Variants in MED6 observed in about 807,000 individuals in gnomAD.
MED6 encodes mediator of RNA polymerase II transcription subunit 6.
In MED6, 33 loss-of-function variants were observed where a neutral mutation model predicts 37.5. The ratio of observed to expected loss-of-function variants is 0.88; its 90% CI spans 0.67 to 1.18. MED6 has a LOEUF of 1.18. Among genes scored for constraint, MED6 ranks in the 50% most tolerant of loss-of-function variants. The pLI is 0.00. For synonymous variants in MED6, 94 were observed against 93.6 expected (o/e 1.00, Z -0.02); for missense variants, 235 against 290.6 (o/e 0.81, Z 1.39).
chr14:70,590,789 G>C (rs1409972062), intron 6 of MED6, among the ~76,000 whole-genome samples: 1 of 152,118 alleles, frequency 6.6e-6, no homozygotes, highest in Non-Finnish European at 1.5e-5. Context: ...CCCCAACACA[G>C]GGTATCTCTA....
Position 70,593,301 on chromosome 14 carries a change from T to C in MED6, c.352A>G (p.Arg118Gly). 6.2e-7 allele frequency: 1 copy of C among 1,612,998 alleles called. No individual in the cohort carries two copies. The highest frequency in any genetic ancestry group is 8.5e-7 in the Non-Finnish European group (1 of 1,179,030). Residue 118 changes from arginine to glycine, a missense_variant, in exon 4 of 8, where the codon AGA becomes GGA. Coordinates refer to ENST00000256379, the MANE Select transcript of MED6 (RefSeq NM_005466.4). The part of the protein sequence containing the change: ...APDLGSVINS[R>G]VLTAVHGIQS... ...AAGAATGTGAAGACACTTACCACTC[T>C]AGAGTTTATAACTGATCCCAAGTCT...
chr14:70,585,071 G>C (rs1884664416), intron 7 of MED6, 128 bp from the exon 8 acceptor site: 1 of 1,108,566 alleles, frequency 9.0e-7, no homozygotes, highest in African/African-American at 1.6e-5. Context: ...AGATCTAGCT[G>C]TTTCCCCAGG....
intron 5 of MED6, among the ~76,000 whole-genome samples, chr14:70,592,013 G>A (rs1336551871): frequency 6.6e-6 from 1 of 152,172 alleles, no homozygotes; most frequent in Non-Finnish European, 1.5e-5. Context: ...GTTATCGTAG[G>A]GGAAAAGAGC....
At position 70,593,351 on chromosome 14, in the gene MED6, A is replaced by G; in HGVS notation, c.302T>C (p.Ile101Thr). The G allele has an allele frequency of 1.2e-6, 2 of 1,613,966 alleles. No homozygotes were observed. The highest frequency in any genetic ancestry group is 1.7e-6 in the Non-Finnish European group (2 of 1,179,856). ...QVIPLADYYIIAGVIYQAPDL... is the reference protein window; with the variant it reads ...QVIPLADYYITAGVIYQAPDL... ...TGGTGCCTGATAGATCACTCCAGCA[A>G]TGATATAGTAATCAGCTAGTGGGAT... Residue 101 changes from isoleucine (I) to threonine (T), a missense_variant, in exon 4 of 8, where the codon ATT (isoleucine) becomes ACT (threonine). Coordinates refer to ENST00000256379, the MANE Select transcript of MED6 (RefSeq NM_005466.4).
At chr14:70,597,869 CTA>C (rs1885090764) in intron 1 of MED6, 92 bp from the exon 2 acceptor site, 2 of 1,020,516 alleles carry the variant, frequency 2.0e-6, no homozygotes, top group Admixed American at 6.8e-5. Context: ...GTAGTAGGCA[CTA>C]TGAATATAAG....
Position 70,596,602 on chromosome 14 carries a change from A to C in MED6, c.274+9T>G, listed in dbSNP as rs1170252257. On this transcript the variant is annotated intron_variant, in intron 3 of 7. Transcript: ENST00000256379. Reference sequence around the variant, plus strand: ...AAAGAAAACAATGCCTAAAGTTTACACATTTTACCTTGGGCAGGGGACTGC... The same window carrying C: ...AAAGAAAACAATGCCTAAAGTTTACCCATTTTACCTTGGGCAGGGGACTGC... 4 of 1,597,966 alleles carry C rather than the reference A, an allele frequency of 2.5e-6. No homozygotes were observed. Among genetic ancestry groups the C allele is most frequent in the Non-Finnish European group, 3.4e-6 (4 of 1,166,846 alleles).
intron 1 of MED6, among the ~76,000 whole-genome samples, chr14:70,600,155 A>G (rs986714644): frequency 6.6e-6 from 1 of 151,942 alleles, no homozygotes; most frequent in African/African-American, 2.4e-5. Flanking sequence ...TATCGACTCA[A>G]AAAAAAAGAA....
Position 70,584,562 on chromosome 14 carries a change from G to T in MED6, c.*251C>A, listed in dbSNP as rs28688661. 0.034 allele frequency: 12,316 copies of T among 361,060 alleles called. 610 individuals carry two copies. Among genetic ancestry groups the T allele is most frequent in the African/African-American group, 0.15 (6,837 of 46,906 alleles). 22.4% of individuals were successfully genotyped at this position (361,060 alleles called of 1,614,324 possible). Reference sequence around the variant, plus strand: ...GGCTAATTTTTGTATTTTTAGTAGAGACGGGGTTTCACCATATTGGTCAGG... The same window carrying T: ...GGCTAATTTTTGTATTTTTAGTAGATACGGGGTTTCACCATATTGGTCAGG... On this transcript the variant is annotated 3_prime_UTR_variant, in exon 8 of 8. Transcript: ENST00000256379.
rs1308760159 is a variant in MED6 at position 70,584,944 on chromosome 14, C to T, written c.611-1G>A. 3 of 1,612,018 alleles carry T rather than the reference C, an allele frequency of 1.9e-6. No individual in the cohort carries two copies. The highest frequency in any genetic ancestry group is 2.5e-6 in the Non-Finnish European group (3 of 1,179,554). On this transcript the variant is annotated splice_acceptor_variant, in intron 7 of 7. Coordinates refer to ENST00000256379, the MANE Select transcript of MED6 (RefSeq NM_005466.4). LOFTEE classifies it high-confidence loss of function. ...TCTGCCTCTTTCTTTGTTTGATCCA[C>T]TAGATATCAAAAGTAGATTTTTTGG...
chr14:70,597,515 C>T, intron 2 of MED6, 103 bp downstream of exon 2: 1 of 1,057,992 alleles, frequency 9.5e-7, no homozygotes, highest in Non-Finnish European at 1.3e-6. Context: ...TCCAGTTTTT[C>T]TTCTAAAAGT....
intron 6 of MED6, among the ~76,000 whole-genome samples, chr14:70,591,017 A>G (rs1201569322): frequency 6.6e-6 from 1 of 152,236 alleles, no homozygotes; most frequent in Non-Finnish European, 1.5e-5. Flanking sequence ...GAATGAGAAT[A>G]TTATCTACAT....
At chr14:70,600,333 G>A (rs1416932096) in intron 1 of MED6, among the ~76,000 whole-genome samples, 1 of 151,870 alleles carries the variant, frequency 6.6e-6, no homozygotes, top group African/African-American at 2.4e-5. Context: ...TAATGTTGTT[G>A]CAGAGATACG....
Position 70,596,673 on chromosome 14 carries a change from A to T in MED6, c.212T>A (p.Leu71Ter), listed in dbSNP as rs201447892. 1.9e-6 allele frequency: 3 copies of T among 1,614,014 alleles called. No homozygotes were observed. Among genetic ancestry groups the T allele is most frequent in the Non-Finnish European group, 2.5e-6 (3 of 1,179,900 alleles). Residue 71 changes from leucine (L) to a stop codon, truncating the protein, a stop_gained, in exon 3 of 8, where the codon TTG (leucine) becomes TAG (stop). Coordinates refer to ENST00000256379, the MANE Select transcript of MED6 (RefSeq NM_005466.4). LOFTEE classifies it high-confidence loss of function. ...GAAAAGAATGGGCTCTTGAGCATGC[A>T]AAAGGATGTACTCGATTCCAACCAT... is the stretch of plus-strand genomic sequence containing the variant. ...NQMVGIEYIL[L>*]HAQEPILFII... is the part of the protein sequence containing the mutation.
chr14:70,584,279 A>G lies in MED6; in HGVS notation c.*534T>C. ...TATTTTGCTTTTAAACATATCTACC[A>G]GTAAACATGTGAGTGTGTAGGTTGC... On this transcript the variant is annotated 3_prime_UTR_variant, in exon 8 of 8. Coordinates refer to ENST00000256379, the MANE Select transcript of MED6 (RefSeq NM_005466.4). 1 of 633,194 alleles carries G rather than the reference A, an allele frequency of 1.6e-6. No homozygotes were observed. The highest frequency in any genetic ancestry group is 2.8e-6 in the Non-Finnish European group (1 of 353,506). The allele number at this position is 633,194 out of a possible 1,614,324, so 39.2% of individuals were successfully genotyped here. A position where few individuals can be genotyped will look rare whatever the true frequency, so the allele number is the denominator to read the frequency against.
chr14:70,596,513 C>A lies in MED6; in HGVS notation c.274+98G>T, dbSNP rs370544924. 197 of 891,796 alleles carry A rather than the reference C, an allele frequency of 2.2e-4. 3 individuals carry two copies. In the South Asian group the frequency reaches 2.9e-3, roughly 13 times the overall value. The allele number at this position is 891,796 out of a possible 1,614,324, so 55.2% of individuals were successfully genotyped here. ...AACATGTATGTGGTCTTGGAGACCC[C>A]CCAAACAGAAACCAATCAAAAAAAC... is the stretch of plus-strand genomic sequence containing the variant. On this transcript the variant is annotated intron_variant, in intron 3 of 7. Transcript: ENST00000256379.
intron 7 of MED6, among the ~76,000 whole-genome samples, chr14:70,585,555 C>CT (rs77491908): frequency 0.064 from 8,245 of 129,286 alleles, 442 homozygotes; most frequent in African/African-American, 0.19. Flanking sequence ...CATTATGAGA[C>CT]TTTTTTTTTT....
At chr14:70,594,531 T>C (rs1884983060) in intron 3 of MED6, 2 of 369,884 alleles carry the variant, frequency 5.4e-6, no homozygotes, top group African/African-American at 2.1e-5. Context: ...TCCTGTCCTC[T>C]CACTCTCCTC....
At chr14:70,596,431 T>A (rs577138338) in intron 3 of MED6, 180 bp downstream of exon 3, 2 of 518,148 alleles carry the variant, frequency 3.9e-6, no homozygotes, top group Non-Finnish European at 6.9e-6. Flanking sequence ...TCATAACAAA[T>A]CTTAGCTGTA....
chr14:70,593,442 C>T, intron 3 of MED6, 64 bp from the exon 4 acceptor site: 2 of 1,232,856 alleles, frequency 1.6e-6, no homozygotes, highest in Non-Finnish European at 2.3e-6. Flanking sequence ...AACAGATTCT[C>T]ATAAAAAGAA....
Sources: allele counts gnomAD v4.1 joint callset (sites outside exome capture counted in the v4.1 genomes callset), GRCh38; gene constraint gnomAD v4.1.1; transcripts MANE v1.5; gene names NCBI Gene and HGNC (gene_info 2026-07-23, HGNC 2026-07-21).